Variants in PDSS1 observed in about 807,000 individuals in gnomAD.
PDSS1 encodes the protein all trans-polyprenyl-diphosphate synthase PDSS1.
Under a neutral mutation model 57.5 loss-of-function variants are expected in PDSS1, and 43 were observed. That is an observed-to-expected ratio of 0.75 (90% confidence interval 0.59 to 0.96). PDSS1 has a LOEUF of 0.96. PDSS1 is among the 50% of genes least tolerant of loss of function. PDSS1 has a pLI of 0.00. For missense variants in PDSS1, 438 were observed against 527.8 expected, an observed-to-expected ratio of 0.83 and a Z score of 1.67; for synonymous variants, 175 against 191.3, an observed-to-expected ratio of 0.91 and a Z score of 0.70.
rs779303490 is a variant in PDSS1, at chr10:26,705,337, C to T, written c.279C>T (p.Thr93=). 1.6e-5 allele frequency: 25 copies of T among 1,612,814 alleles called. No homozygotes were observed. The highest frequency in any genetic ancestry group is 2.2e-5 in the East Asian group (1 of 44,836). ...DSKTHSGEKY[T]DPFKLGWRDL... The stretch of plus-strand genomic sequence containing the variant: ...AAACACACAGTGGTGAAAAATACAC[C>T]GATCCTTTCAAACTCGGTTGGAGAG... Residue 93 remains threonine, a synonymous_variant, in exon 4 of 12, where the codon ACC becomes ACT. Coordinates refer to ENST00000376215, the MANE Select transcript of PDSS1 (RefSeq NM_014317.5).
At chr10:26,723,497 AG>A (rs934814671) in intron 6 of PDSS1, among the ~76,000 whole-genome samples, 3 of 152,150 alleles carry the variant, frequency 2.0e-5, no homozygotes, top group Non-Finnish European at 4.4e-5. Flanking sequence ...ACCGATTATT[AG>A]AAACTGGGAA....
intron 1 of PDSS1, among the ~76,000 whole-genome samples, chr10:26,699,397 C>CTTTT (rs760230667): frequency 7.3e-6 from 1 of 136,788 alleles, no homozygotes. Context: ...TCTTCTTCTT[C>CTTTT]TTTTTTTTTT....
At chr10:26,707,445 G>T (rs1177070553) in intron 4 of PDSS1, among the ~76,000 whole-genome samples, 3 of 152,094 alleles carry the variant, frequency 2.0e-5, no homozygotes, top group Non-Finnish European at 4.4e-5. Flanking sequence ...TCCTGTTGTG[G>T]GTCGGGGAGC....
intron 5 of PDSS1, 49 bp downstream of exon 5, chr10:26,709,817 T>A (rs1350349615): frequency 6.3e-7 from 1 of 1,582,478 alleles, no homozygotes; most frequent in Non-Finnish European, 8.7e-7. Flanking sequence ...TGGGAAGTCT[T>A]TCTTCCCGGG....
At chr10:26,741,944 G>A (rs570972976) in intron 10 of PDSS1, among the ~76,000 whole-genome samples, 11 of 152,220 alleles carry the variant, frequency 7.2e-5, no homozygotes, top group South Asian at 2.1e-4. Flanking sequence ...GCGCAATCTC[G>A]GCTCACTGCA....
intron 11 of PDSS1, among the ~76,000 whole-genome samples, chr10:26,744,573 T>C (rs1836742213): frequency 6.6e-6 from 1 of 151,970 alleles, no homozygotes; most frequent in South Asian, 2.1e-4. Context: ...GTATTTTTAG[T>C]GGAGACGGGG....
At chr10:26,718,846 C>G (rs1459529733) in intron 5 of PDSS1, 1 of 150,804 alleles carries the variant, frequency 6.6e-6, no homozygotes. Context: ...GGGTTTAGTT[C>G]TAAGGCTGCT....
intron 6 of PDSS1, among the ~76,000 whole-genome samples, chr10:26,722,492 G>C (rs570216846): frequency 6.6e-6 from 1 of 152,152 alleles, no homozygotes; most frequent in African/African-American, 2.4e-5. Context: ...ATCACTTGGG[G>C]CCAGGAGTTC....
chr10:26,735,391 C>A, intron 9 of PDSS1, 71 bp downstream of exon 9: 1 of 1,390,894 alleles, frequency 7.2e-7, no homozygotes, highest in Admixed American at 1.7e-5. Context: ...AGTGTGTAAT[C>A]GTCAAAATAG....
chr10:26,722,898 C>CTTTTTTTT (rs751637147), intron 6 of PDSS1, among the ~76,000 whole-genome samples: 1 of 143,500 alleles, frequency 7.0e-6, no homozygotes. Context: ...AATGGAAAAA[C>CTTTTTTTT]TTTTTTTTTT....
Position 26,746,467 on chromosome 10 carries a change from T to A in PDSS1, c.1242T>A (p.Asp414Glu), listed in dbSNP as rs766397686. The stretch of plus-strand genomic sequence containing the variant: ...TTTCAGAAATTGTACTCACAAGAGA[T>A]AAATGACAACTCTTTCTGTTCTTTC... Reference protein sequence around the residue: ...IQLSEIVLTRDK With the variant: ...IQLSEIVLTREK Residue 414 changes from aspartate to glutamate, a missense_variant, in exon 12 of 12, where the codon GAT becomes GAA. This residue lies in a region of PDSS1 where 284 missense variants were observed against 390.7 expected (regional missense o/e 0.73). Coordinates refer to ENST00000376215, the MANE Select transcript of PDSS1 (RefSeq NM_014317.5). 6.2e-7 allele frequency: 1 copy of A among 1,614,042 alleles called. No homozygotes were observed. Among genetic ancestry groups the A allele is most frequent in the Non-Finnish European group, 8.5e-7 (1 of 1,179,986 alleles).
intron 1 of PDSS1, among the ~76,000 whole-genome samples, chr10:26,698,596 G>A (rs2448112): frequency 0.66 from 100,715 of 152,080 alleles, 33,814 homozygotes; most frequent in East Asian, 0.89. Flanking sequence ...GCCCTTCTGC[G>A]CTTTGTAATG....
chr10:26,729,493 A>G (rs183789723), intron 8 of PDSS1, among the ~76,000 whole-genome samples: 2 of 152,298 alleles, frequency 1.3e-5, no homozygotes, highest in East Asian at 3.9e-4. Context: ...CCAGGATTCC[A>G]TCTTTCCATA....
chr10:26,746,007 ATGT>A (rs1258291500), intron 11 of PDSS1, among the ~76,000 whole-genome samples: 1 of 152,148 alleles, frequency 6.6e-6, no homozygotes, highest in African/African-American at 2.4e-5. Flanking sequence ...ACATTTAAAA[ATGT>A]TGTATAAAGA....
At chr10:26,713,639 G>A (rs985269325) in intron 5 of PDSS1, among the ~76,000 whole-genome samples, 9 of 152,156 alleles carry the variant, frequency 5.9e-5, no homozygotes, top group African/African-American at 9.7e-5. Context: ...TCAGGACCCC[G>A]TGTTTGTTTT....
intron 11 of PDSS1, among the ~76,000 whole-genome samples, chr10:26,742,894 T>G (rs927182630): frequency 1.3e-5 from 2 of 152,226 alleles, no homozygotes; most frequent in Admixed American, 6.5e-5. Context: ...CAGCCTTCCC[T>G]GTGTCCATCA....
At chr10:26,698,310 A>G (rs1373363966) in intron 1 of PDSS1, among the ~76,000 whole-genome samples, 2 of 152,050 alleles carry the variant, frequency 1.3e-5, no homozygotes, top group African/African-American at 4.8e-5. Flanking sequence ...GAATAGTCCG[A>G]AAAGGTCTTG....
chr10:26,718,304 G>C (rs1835666677), intron 5 of PDSS1, among the ~76,000 whole-genome samples: 1 of 151,966 alleles, frequency 6.6e-6, no homozygotes. Flanking sequence ...CAGCCTTCCA[G>C]AGTGCTGGGA....
Position 26,706,723 on chromosome 10 carries a change from GGGCC to G in PDSS1, c.336+1330_336+1333del, listed in dbSNP as rs1367617885. On this transcript the variant is annotated intron_variant, in intron 4 of 11. Transcript: ENST00000376215. The stretch of plus-strand genomic sequence containing the variant: ...TCATGTTCCCTCCACTATTGCACTG[GGGCC>G]CCCTTTCCAGCCTCTCCTCTGAAGC... 2.6e-5 allele frequency among the ~76,000 whole-genome samples: 4 copies of G among 152,036 alleles called. No homozygotes were observed. In the South Asian group the frequency reaches 8.3e-4, roughly 32 times the overall value.
Sources: gnomAD v4.1 joint callset for allele counts (sites outside exome capture counted in the v4.1 genomes callset) on GRCh38, gnomAD v4.1.1 for gene constraint, gnomAD v4.1.1 regional missense constraint, MANE v1.5 for transcripts, NCBI Gene and HGNC (gene_info 2026-07-23, HGNC 2026-07-21) for gene names.